ARHGAP24: variants seen among roughly 807,000 people sequenced by gnomAD.
ARHGAP24 encodes Rho GTPase activating protein 24.
ARHGAP24 carries 50 observed loss-of-function variants against 76.4 expected under a neutral mutation model. The ratio of observed to expected loss-of-function variants is 0.65; its 90% confidence interval spans 0.52 to 0.83. ARHGAP24 has a LOEUF of 0.83. Among genes scored for constraint, ARHGAP24 ranks in the 40% least tolerant of loss-of-function variants. The pLI, the probability that ARHGAP24 is intolerant of heterozygous loss-of-function variation, is 0.00. For synonymous variants in ARHGAP24, 345 were observed against 323.3 expected (o/e 1.07, Z -0.72); for missense variants, 930 against 914.2 (o/e 1.02, Z -0.22).
chr4:85,666,870 G>C (rs1026879628), intron 2 of ARHGAP24, among the ~76,000 whole-genome samples: 2 of 152,134 alleles, frequency 1.3e-5, no homozygotes, highest in Non-Finnish European at 2.9e-5. Flanking sequence ...TGTCTCAGAG[G>C]AGTACCCAGC....
At chr4:85,935,348 A>G (rs1736570463) in intron 4 of ARHGAP24, among the ~76,000 whole-genome samples, 1 of 152,230 alleles carries the variant, frequency 6.6e-6, no homozygotes, top group Non-Finnish European at 1.5e-5. Flanking sequence ...GTACTTTGTG[A>G]TAAGCACCAC....
rs184642919 is a variant in ARHGAP24 at position 85,480,559 on chromosome 4, G to A, written c.-21+5000G>A. 2.0e-5 allele frequency among the ~76,000 whole-genome samples: 3 copies of A among 152,054 alleles called. No individual in the cohort carries two copies. The East Asian group carries it at 5.8e-4, about 29-fold the overall frequency. On this transcript the variant is annotated intron_variant, in intron 1 of 9. Coordinates refer to ENST00000395184, the MANE Select transcript of ARHGAP24 (RefSeq NM_001025616.3). ...AAAACAGATTGAATAGTTACATCAC[G>A]TTTTTTTCTTGATACAATTAGTTAA... is the stretch of plus-strand genomic sequence containing the variant.
At chr4:85,549,704 C>G (rs1163155759) in intron 1 of ARHGAP24, among the ~76,000 whole-genome samples, 1 of 152,104 alleles carries the variant, frequency 6.6e-6, no homozygotes, top group African/African-American at 2.4e-5. Context: ...TATTTCACTA[C>G]CCCAGGTAAT....
rs963197796 is a variant in ARHGAP24 at position 85,570,894 on chromosome 4, G to A, written c.180+173G>A. 19 of 683,876 alleles carry A rather than the reference G, an allele frequency of 2.8e-5. No individual in the cohort carries two copies. The South Asian group carries it at 3.1e-4, about 11-fold the overall frequency. The allele number at this position is 683,876 out of a possible 1,614,324, so 42.4% of individuals were successfully genotyped here. ...GCTTTGAGTTGGAGATAATAAAATC[G>A]CTAATTGAGGCCAAGAGGCAAATTA... On this transcript the variant is annotated intron_variant, in intron 2 of 9. Transcript: ENST00000395184.
At chr4:85,637,537 G>A (rs938045038) in intron 2 of ARHGAP24, among the ~76,000 whole-genome samples, 4 of 151,848 alleles carry the variant, frequency 2.6e-5, no homozygotes, top group East Asian at 3.9e-4. Flanking sequence ...ACCACTAGCC[G>A]CATGGGGCTA....
intron 3 of ARHGAP24, among the ~76,000 whole-genome samples, chr4:85,769,222 A>G (rs1727038356): frequency 6.6e-6 from 1 of 152,200 alleles, no homozygotes; most frequent in Admixed American, 6.5e-5. Context: ...GGTTAATGAG[A>G]TTAGGGTCAT....
intron 2 of ARHGAP24, among the ~76,000 whole-genome samples, chr4:85,654,389 G>C (rs1005068609): frequency 3.3e-5 from 5 of 152,140 alleles, no homozygotes; most frequent in Admixed American, 3.3e-4. Context: ...GTCACATTGG[G>C]AGTTAAGGTT....
chr4:85,590,041 ATACT>A (rs1728019779), intron 2 of ARHGAP24, among the ~76,000 whole-genome samples: 2 of 152,246 alleles, frequency 1.3e-5, no homozygotes, highest in South Asian at 2.1e-4. Flanking sequence ...TCTTAAAGTA[ATACT>A]TACTGTGTAA....
In ARHGAP24 at chr4:85,615,043, A is replaced by T. The variant is rs375486086; in HGVS notation, c.180+44322A>T. Among the ~76,000 whole-genome samples the T allele has an allele frequency of 2.0e-5, 3 of 152,068 alleles. No homozygotes were observed. In the East Asian group the frequency reaches 5.8e-4, roughly 29 times the overall value. The stretch of plus-strand genomic sequence containing the variant: ...ATTTAATATAAATATAATGTCTGAC[A>T]TTACAGTTTTTCTCAAGATGATCCA... On this transcript the variant is annotated intron_variant, in intron 2 of 9. Transcript: ENST00000395184.
chr4:85,787,136 C>T (rs549108387), intron 3 of ARHGAP24, among the ~76,000 whole-genome samples: 138 of 152,298 alleles, frequency 9.1e-4, no homozygotes, highest in African/African-American at 3.2e-3. Context: ...AATGTGCTGA[C>T]AGATTGCCCG....
chr4:85,875,842 AGC>A (rs1732900167), intron 3 of ARHGAP24, among the ~76,000 whole-genome samples: 1 of 150,944 alleles, frequency 6.6e-6, no homozygotes, highest in Non-Finnish European at 1.5e-5. Flanking sequence ...CCCGGGTTCA[AGC>A]AATTTTCCTG....
chr4:85,537,072 A>C (rs1578016816), intron 1 of ARHGAP24, among the ~76,000 whole-genome samples: 1 of 152,270 alleles, frequency 6.6e-6, no homozygotes, highest in East Asian at 1.9e-4. Flanking sequence ...AATCATCATT[A>C]CTGAGGACTA....
At chr4:85,731,476 G>C (rs1271173806) in intron 3 of ARHGAP24, among the ~76,000 whole-genome samples, 2 of 152,192 alleles carry the variant, frequency 1.3e-5, no homozygotes, top group Non-Finnish European at 2.9e-5. Context: ...CAAGACTGCA[G>C]TTTTATCATC....
At chr4:85,772,430 T>C (rs1282319891) in intron 3 of ARHGAP24, among the ~76,000 whole-genome samples, 1 of 152,180 alleles carries the variant, frequency 6.6e-6, no homozygotes, top group Non-Finnish European at 1.5e-5. Context: ...GCATTTTCTC[T>C]TGTTTGAGCT....
chr4:85,617,912 T>C (rs1314595224), intron 2 of ARHGAP24, among the ~76,000 whole-genome samples: 1 of 152,208 alleles, frequency 6.6e-6, no homozygotes, highest in Non-Finnish European at 1.5e-5. Flanking sequence ...GGTCTTTTGA[T>C]ATTTGTATAC....
intron 3 of ARHGAP24, among the ~76,000 whole-genome samples, chr4:85,875,900 G>A (rs924127049): frequency 6.6e-6 from 1 of 150,928 alleles, no homozygotes; most frequent in Non-Finnish European, 1.5e-5. Context: ...GTGCCATCAT[G>A]CCTAGCTAAT....
At chr4:85,848,361 G>A (rs1369197832) in intron 3 of ARHGAP24, among the ~76,000 whole-genome samples, 2 of 152,128 alleles carry the variant, frequency 1.3e-5, no homozygotes, top group African/African-American at 2.4e-5. Context: ...AGGCCCTGGT[G>A]TGTGATGTTC....
intron 2 of ARHGAP24, among the ~76,000 whole-genome samples, chr4:85,701,338 G>A (rs563176199): frequency 2.2e-4 from 34 of 152,182 alleles, no homozygotes; most frequent in African/African-American, 7.7e-4. Context: ...ACATGGGTAA[G>A]TTCTTTAGTG....
At chr4:85,501,889 T>G (rs1359661979) in intron 1 of ARHGAP24, among the ~76,000 whole-genome samples, 1 of 152,186 alleles carries the variant, frequency 6.6e-6, no homozygotes, top group African/African-American at 2.4e-5. Flanking sequence ...CATCTTGAAT[T>G]AATTTTTGTA....
Sources: allele counts gnomAD v4.1 joint callset (sites outside exome capture counted in the v4.1 genomes callset), GRCh38; gene constraint gnomAD v4.1.1; transcripts MANE v1.5; gene names NCBI Gene and HGNC (gene_info 2026-07-23, HGNC 2026-07-21).